EPB41L5: variants seen among roughly 807,000 people sequenced by gnomAD.
EPB41L5 encodes erythrocyte membrane protein band 4.1 like 5, also known as band 4.1-like protein 5.
EPB41L5 carries 55 observed loss-of-function variants against 106.6 expected under a neutral mutation model. That is an observed-to-expected ratio of 0.52 (90% confidence interval 0.42 to 0.65). The LOEUF is 0.65. Ranked by LOEUF, EPB41L5 falls within the 30% of genes least tolerant of loss-of-function variation. The pLI, the probability that EPB41L5 is intolerant of heterozygous loss-of-function variation, is 0.00. For missense variants in EPB41L5, 871 were observed against 882.1 expected (o/e 0.99, Z 0.16); for synonymous variants, 297 against 306.7 (o/e 0.97, Z 0.33).
chr2:120,174,896 A>T lies in EPB41L5; in HGVS notation c.2191A>T (p.Thr731Ser). 1 of 1,614,112 alleles carries T rather than the reference A, an allele frequency of 6.2e-7. No homozygotes were observed. The highest frequency in any genetic ancestry group is 8.5e-7 in the Non-Finnish European group (1 of 1,179,978). The change falls in exon 25 of 25, where the codon ACT (threonine) becomes TCT (serine). Residue 731 changes from threonine (T) to serine (S), a missense_variant. By Grantham distance (58) the Thr-to-Ser change is moderately conservative (BLOSUM62 1). Coordinates refer to ENST00000263713, the MANE Select transcript of EPB41L5 (RefSeq NM_020909.4). ...CCTGAAGCAGAAGTGTTTACTGACCACTGAGCTCTGAGGGCCTGTAGCTGG... is the reference window on the plus strand; with the variant it reads ...CCTGAAGCAGAAGTGTTTACTGACCTCTGAGCTCTGAGGGCCTGTAGCTGG... ...AVLKQKCLLT[T>S]EL is the part of the protein sequence containing the mutation.
Position 120,035,371 on chromosome 2 carries a change from T to C in EPB41L5, c.181-6635T>C, listed in dbSNP as rs367547677. Among the ~76,000 whole-genome samples the C allele has an allele frequency of 2.0e-4, 30 of 152,348 alleles. No individual in the cohort carries two copies. In the East Asian group the frequency reaches 5.8e-3, roughly 29 times the overall value. ...GCCTTGGCTTCCCAAAGTGCTGGGA[T>C]TGTAGGCATGAGCCACCATGCCTGG... On this transcript the variant is annotated intron_variant, in intron 2 of 24. Coordinates refer to ENST00000263713, the MANE Select transcript of EPB41L5 (RefSeq NM_020909.4).
At chr2:120,023,843 C>T (rs1041900299) in intron 2 of EPB41L5, among the ~76,000 whole-genome samples, 3 of 152,084 alleles carry the variant, frequency 2.0e-5, no homozygotes, top group Non-Finnish European at 4.4e-5. Context: ...TGTTTGTGTC[C>T]TCTCTTATTT....
At chr2:120,168,633 C>T (rs1489290224) in intron 24 of EPB41L5, among the ~76,000 whole-genome samples, 1 of 152,196 alleles carries the variant, frequency 6.6e-6, no homozygotes, top group East Asian at 1.9e-4. Context: ...TTCACATATC[C>T]TCCTTGAAAA....
At chr2:120,172,009 T>TAA (rs753429042) in intron 24 of EPB41L5, among the ~76,000 whole-genome samples, 13 of 109,218 alleles carry the variant, frequency 1.2e-4, no homozygotes, top group African/African-American at 1.8e-4. Context: ...ACAGGAAACT[T>TAA]AAAAAAAAAA....
chr2:120,057,580 G>T (rs527418284), intron 3 of EPB41L5, among the ~76,000 whole-genome samples: 1 of 151,552 alleles, frequency 6.6e-6, no homozygotes, highest in South Asian at 2.1e-4. Flanking sequence ...GTATAAATCT[G>T]TGAGTTTTTC....
In EPB41L5 at chr2:120,100,707, G is replaced by A; in HGVS notation, c.1230G>A (p.Gly410=). The change falls in exon 16 of 25, where the codon GGG becomes GGA. Residue 410 remains glycine (G), a synonymous_variant. Coordinates refer to ENST00000263713, the MANE Select transcript of EPB41L5 (RefSeq NM_020909.4). ...TQSNGSQQAW[G]MRSALPVSPS... ...ATAATTTTTGTCCAAAGGCTTGGGG[G>A]ATGAGATCTGCTCTGCCTGTGAGTC... 1 of 1,613,438 alleles carries A rather than the reference G, an allele frequency of 6.2e-7. No homozygotes were observed. The highest frequency in any genetic ancestry group is 1.1e-5 in the South Asian group (1 of 91,064).
At chr2:120,165,486 GTTATA>G (rs773596909) in intron 22 of EPB41L5, among the ~76,000 whole-genome samples, 6 of 152,146 alleles carry the variant, frequency 3.9e-5, no homozygotes, top group Non-Finnish European at 5.9e-5. Context: ...GTAAACAGTT[GTTATA>G]TTGTATTGTT....
intron 24 of EPB41L5, among the ~76,000 whole-genome samples, chr2:120,168,342 A>G (rs187144425): frequency 2.6e-4 from 40 of 152,336 alleles, no homozygotes; most frequent in African/African-American, 9.4e-4. Flanking sequence ...GTGATGAATG[A>G]TGGTGCCCGT....
At chr2:120,117,620 C>G (rs1186388314) in intron 16 of EPB41L5, among the ~76,000 whole-genome samples, 1 of 152,110 alleles carries the variant, frequency 6.6e-6, no homozygotes, top group Non-Finnish European at 1.5e-5. Context: ...TATATGGTAT[C>G]TAAGTGTGTG....
intron 3 of EPB41L5, among the ~76,000 whole-genome samples, chr2:120,061,546 T>C (rs1426201804): frequency 6.6e-6 from 1 of 151,578 alleles, no homozygotes; most frequent in African/African-American, 2.4e-5. Context: ...GAGACAGGGT[T>C]TCACCACGTT....
At chr2:120,123,427 C>T (rs2105453323) in intron 16 of EPB41L5, among the ~76,000 whole-genome samples, 1 of 152,180 alleles carries the variant, frequency 6.6e-6, no homozygotes, top group Admixed American at 6.5e-5. Flanking sequence ...GCTGAATATC[C>T]CACTTGACTT....
chr2:120,073,124 C>A, intron 3 of EPB41L5, 54 bp from the exon 4 acceptor site: 1 of 1,510,144 alleles, frequency 6.6e-7, no homozygotes, highest in South Asian at 1.2e-5. Context: ...GTAATTCATT[C>A]AAATTTTAAA....
intron 24 of EPB41L5, among the ~76,000 whole-genome samples, chr2:120,171,487 C>T (rs1016436497): frequency 6.6e-6 from 1 of 152,192 alleles, no homozygotes; most frequent in African/African-American, 2.4e-5. Context: ...CTTGGAATTT[C>T]CATTTGGAGT....
chr2:120,135,744 G>A (rs991946701), intron 18 of EPB41L5, among the ~76,000 whole-genome samples: 27 of 152,076 alleles, frequency 1.8e-4, no homozygotes, highest in African/African-American at 6.3e-4. Context: ...GTATATCCAT[G>A]TTTGAAGATA....
chr2:120,132,980 C>T (rs1023109513), intron 18 of EPB41L5, among the ~76,000 whole-genome samples: 3 of 152,112 alleles, frequency 2.0e-5, no homozygotes, highest in Non-Finnish European at 4.4e-5. Flanking sequence ...TATGATATAA[C>T]TGATCCTCTG....
intron 18 of EPB41L5, among the ~76,000 whole-genome samples, chr2:120,137,173 A>C (rs1685959459): frequency 6.6e-6 from 1 of 152,074 alleles, no homozygotes. Flanking sequence ...GAAACAAATG[A>C]AAATGGAAAC....
At chr2:120,129,587 AAT>A (rs1685609039) in intron 17 of EPB41L5, among the ~76,000 whole-genome samples, 2 of 152,204 alleles carry the variant, frequency 1.3e-5, no homozygotes, top group African/African-American at 4.8e-5. Flanking sequence ...TCAGTGCTGT[AAT>A]AGTGTTGTAT....
intron 2 of EPB41L5, among the ~76,000 whole-genome samples, chr2:120,031,707 A>G (rs1442403216): frequency 6.6e-6 from 1 of 152,228 alleles, no homozygotes; most frequent in African/African-American, 2.4e-5. Flanking sequence ...TGATAGACCC[A>G]TTACAAGTCT....
At chr2:120,096,976 G>A (rs114558923) in intron 14 of EPB41L5, among the ~76,000 whole-genome samples, 81 of 152,290 alleles carry the variant, frequency 5.3e-4, no homozygotes, top group African/African-American at 1.9e-3. Flanking sequence ...AAAGTATTCA[G>A]CAATGGTACG....
Sources: gnomAD v4.1 joint callset for allele counts (sites outside exome capture counted in the v4.1 genomes callset) on GRCh38, gnomAD v4.1.1 for gene constraint, MANE v1.5 for transcripts, NCBI Gene and HGNC (gene_info 2026-07-23, HGNC 2026-07-21) for gene names.